The following ZNF568 variants were observed in gnomAD, a reference collection of about 807,000 sequenced individuals.
ZNF568 encodes the protein zinc finger protein 568.
Under a neutral mutation model 18.1 loss-of-function variants are expected in ZNF568, and 11 were observed. The ratio of observed to expected loss-of-function variants is 0.61; its 90% CI spans 0.38 to 1.00. The LOEUF is 1.00. Among genes scored for constraint, ZNF568 ranks in the 50% least tolerant of loss-of-function variants. ZNF568 has a pLI of 0.01. For synonymous variants in ZNF568, 213 were observed against 246.6 expected, an observed-to-expected ratio of 0.86 and a Z score of 1.28; for missense variants, 639 against 768.2, an observed-to-expected ratio of 0.83 and a Z score of 1.99.
rs774358609 is a variant in ZNF568, at chr19:36,936,783, C to T, written c.173C>T (p.Thr58Ile). ...TTTAAGGATGTGGCTGTTGACCTTA[C>T]CCAGGAGGAGTGGGAGCAAATGAAA... ...VTFKDVAVDL[T>I]QEEWEQMKPA... Residue 58 changes from threonine to isoleucine, a missense_variant, in exon 5 of 7, where the codon ACC becomes ATC. Thr to Ile is a moderately conservative substitution (Grantham distance 89). Coordinates refer to ENST00000333987, the MANE Select transcript of ZNF568 (RefSeq NM_198539.4). The T allele has an allele frequency of 1.1e-5, 17 of 1,613,608 alleles. No homozygotes were observed. The highest frequency in any genetic ancestry group is 2.5e-6 in the Non-Finnish European group (3 of 1,179,734).
In ZNF568 at chr19:36,931,141, G is replaced by C. The variant is rs12462400; in HGVS notation, c.136-5605G>C. Among the ~76,000 whole-genome samples the C allele has an allele frequency of 6.3e-3, 964 of 152,242 alleles. 29 individuals carry two copies. Among genetic ancestry groups the C allele is most frequent in the East Asian group, 0.052 (268 of 5,174 alleles). On this transcript the variant is annotated intron_variant, in intron 4 of 6. Coordinates refer to ENST00000333987, the MANE Select transcript of ZNF568 (RefSeq NM_198539.4). ...CTGCATATATTCATTCTGAGTTTCA[G>C]CTGAAATGGCACAGCTTCCTGGGCC...
At chr19:36,992,057 A>G (rs1042692747) in intron 4 of ZNF568, among the ~76,000 whole-genome samples, 1 of 152,096 alleles carries the variant, frequency 6.6e-6, no homozygotes, top group Non-Finnish European at 1.5e-5. Flanking sequence ...CCTGACCAAC[A>G]TGGTGAAACC....
chr19:36,988,821 C>CACCT (rs1397524391), intron 2 of ZNF568, among the ~76,000 whole-genome samples: 1 of 152,140 alleles, frequency 6.6e-6, no homozygotes, highest in Non-Finnish European at 1.5e-5. Flanking sequence ...GTGTATCTAT[C>CACCT]ACCTCATGCA....
intron 4 of ZNF568, among the ~76,000 whole-genome samples, chr19:36,929,011 T>A (rs1017335599): frequency 6.6e-6 from 1 of 152,096 alleles, no homozygotes; most frequent in African/African-American, 2.4e-5. Flanking sequence ...CTAGAATACA[T>A]TTGAAAAATA....
At chr19:36,995,012 G>A (rs1161740896) in intron 4 of ZNF568, among the ~76,000 whole-genome samples, 1 of 151,844 alleles carries the variant, frequency 6.6e-6, no homozygotes, top group African/African-American at 2.4e-5. Flanking sequence ...TCTGGTATTA[G>A]TAATGCTATT....
intron 2 of ZNF568, among the ~76,000 whole-genome samples, chr19:36,988,113 T>A (rs2074392216): frequency 6.6e-6 from 1 of 152,048 alleles, no homozygotes; most frequent in Admixed American, 6.6e-5. Context: ...CTTTCATTTT[T>A]AAATTTTTTA....
rs2146349371 is a variant in ZNF568, at chr19:36,991,491, C to T, written c.133+192C>T. On this transcript the variant is annotated intron_variant, in intron 3 of 4. Coordinates refer to the ZNF568 transcript ENST00000433993. ...GGAAATTGGCTGTTCCAGCAGGCAC[C>T]TTTATCTTCATTATTTTCATACCTC... The T allele has an allele frequency of 5.3e-6, 4 of 753,866 alleles. No homozygotes were observed. The South Asian group carries it at 1.0e-4, about 19-fold the overall frequency. 46.7% of individuals were successfully genotyped at this position (753,866 alleles called of 1,614,324 possible).
intron 6 of ZNF568, 152 bp from the exon 7 acceptor site, chr19:36,949,360 G>C: frequency 1.2e-6 from 1 of 815,832 alleles, no homozygotes; most frequent in Non-Finnish European, 1.8e-6. Flanking sequence ...CAAACCTTAG[G>C]AACTAGGAAC....
chr19:36,955,343 G>A (rs1022128999), downstream of ZNF568, among the ~76,000 whole-genome samples: 7 of 150,260 alleles, frequency 4.7e-5, no homozygotes, highest in East Asian at 1.4e-3. Flanking sequence ...ACAGAGAAAT[G>A]TAAAATTCCA....
At chr19:36,948,427 A>G (rs1194331499) in intron 6 of ZNF568, among the ~76,000 whole-genome samples, 2 of 152,202 alleles carry the variant, frequency 1.3e-5, no homozygotes, top group Admixed American at 6.5e-5. Flanking sequence ...GTAAATATCC[A>G]TGTGCAGATT....
intron 2 of ZNF568, among the ~76,000 whole-genome samples, chr19:36,920,280 C>T (rs1187270908): frequency 6.6e-6 from 1 of 152,034 alleles, no homozygotes; most frequent in African/African-American, 2.4e-5. Context: ...TACAGCTGTA[C>T]AATGCATTTT....
chr19:36,994,533 T>C (rs1644688), intron 4 of ZNF568, among the ~76,000 whole-genome samples: 81,285 of 152,040 alleles, frequency 0.53, 22,255 homozygotes, highest in African/African-American at 0.62. Context: ...GTTCAATTGT[T>C]TGTGGCTCTC....
At chr19:36,957,943 T>C (rs2074120232) in intron 6 of ZNF568, among the ~76,000 whole-genome samples, 1 of 152,226 alleles carries the variant, frequency 6.6e-6, no homozygotes. Flanking sequence ...TTGAGGAAGT[T>C]CCCTTTATTC....
intron 6 of ZNF568, among the ~76,000 whole-genome samples, chr19:36,945,735 A>ATGTG (rs756483838): frequency 7.2e-5 from 2 of 27,756 alleles, no homozygotes; most frequent in Non-Finnish European, 9.0e-5. Flanking sequence ...ATGTGTGATT[A>ATGTG]TATGTGTGTG....
rs764445724 is a variant in ZNF568, at chr19:36,951,251, G to A, written c.*163G>A. The A allele has an allele frequency of 3.7e-5, 22 of 594,660 alleles. No homozygotes were observed. Among genetic ancestry groups the A allele is most frequent in the Non-Finnish European group, 5.2e-5 (21 of 400,690 alleles). 36.8% of individuals were successfully genotyped at this position (594,660 alleles called of 1,614,324 possible). On this transcript the variant is annotated 3_prime_UTR_variant, in exon 7 of 7. Coordinates refer to ENST00000333987, the MANE Select transcript of ZNF568 (RefSeq NM_198539.4). ...CCATATACATAGATGGAAAAACCCA[G>A]TATTATAAAAACCTCAATTCTGAAA...
intron 6 of ZNF568, among the ~76,000 whole-genome samples, chr19:36,942,967 C>T (rs2073908662): frequency 6.6e-6 from 1 of 152,166 alleles, no homozygotes; most frequent in Admixed American, 6.5e-5. Flanking sequence ...TCTTAGTTCA[C>T]AGACTATACA....
chr19:36,985,495 A>C (rs900767839), intron 2 of ZNF568, among the ~76,000 whole-genome samples: 2 of 143,590 alleles, frequency 1.4e-5, no homozygotes, highest in Non-Finnish European at 3.0e-5. Flanking sequence ...GCCTCTTTGC[A>C]TGTTTTTGTT....
Position 36,934,604 on chromosome 19 carries a change from C to A in ZNF568, c.136-2142C>A, listed in dbSNP as rs117776789. Among the ~76,000 whole-genome samples the A allele has an allele frequency of 6.3e-3, 953 of 152,202 alleles. 28 individuals carry two copies. The highest frequency in any genetic ancestry group is 0.05 in the East Asian group (259 of 5,150). ...TCCAGAGTGCCAGATTATGGGCACG[C>A]CCAGCCCTCTTCTAGTATTTTAAGG... On this transcript the variant is annotated intron_variant, in intron 4 of 6. Transcript: ENST00000333987.
intron 2 of ZNF568, among the ~76,000 whole-genome samples, chr19:36,919,201 T>C (rs2073407774): frequency 6.6e-6 from 1 of 152,182 alleles, no homozygotes; most frequent in African/African-American, 2.4e-5. Flanking sequence ...GACTGAACCA[T>C]TTTATCAGCA....
Sources: gnomAD v4.1 joint callset for allele counts (sites outside exome capture counted in the v4.1 genomes callset) on GRCh38, gnomAD v4.1.1 for gene constraint, MANE v1.5 for transcripts, NCBI Gene and HGNC (gene_info 2026-07-23, HGNC 2026-07-21) for gene names.